The following ROBO1 variants were observed in gnomAD, a reference collection of about 807,000 sequenced individuals.
ROBO1 encodes the protein roundabout guidance receptor 1, also known as roundabout homolog 1.
Under a neutral mutation model 195.9 loss-of-function variants are expected in ROBO1, and 149 were observed. The ratio of observed to expected loss-of-function variants is 0.76; its 90% CI spans 0.67 to 0.87. ROBO1 has a LOEUF of 0.87. Among genes scored for constraint, ROBO1 ranks in the 40% least tolerant of loss-of-function variants. The pLI is 0.00. For missense variants in ROBO1, 1,933 were observed against 2,068.3 expected (o/e 0.93, Z 1.27); for synonymous variants, 816 against 733.2 (o/e 1.11, Z -1.82).
At chr3:79,117,776 A>G (rs1374237550) in intron 3 of ROBO1, among the ~76,000 whole-genome samples, 1 of 152,148 alleles carries the variant, frequency 6.6e-6, no homozygotes, top group Admixed American at 6.5e-5. Flanking sequence ...CCAAATATTA[A>G]CTTTTTGAAA....
intron 2 of ROBO1, among the ~76,000 whole-genome samples, chr3:79,191,035 C>A (rs902457000): frequency 4.0e-5 from 6 of 151,496 alleles, no homozygotes; most frequent in Non-Finnish European, 8.9e-5. Flanking sequence ...ATAAAGAAGA[C>A]ATGAGGAAAC....
At chr3:79,636,316 T>C (rs1945494490) in intron 1 of ROBO1, among the ~76,000 whole-genome samples, 1 of 152,158 alleles carries the variant, frequency 6.6e-6, no homozygotes, top group Non-Finnish European at 1.5e-5. Flanking sequence ...CATAAGTGTA[T>C]ATATACTAGA....
At chr3:79,021,756 G>A (rs1002515490) in intron 3 of ROBO1, among the ~76,000 whole-genome samples, 1 of 149,430 alleles carries the variant, frequency 6.7e-6, no homozygotes, top group African/African-American at 2.5e-5. Context: ...CGCCTCCCGG[G>A]TTCACGCCAT....
At chr3:79,575,271 C>CAAATATATATAT (rs1943433435) in intron 2 of ROBO1, among the ~76,000 whole-genome samples, 1 of 103,122 alleles carries the variant, frequency 9.7e-6, no homozygotes, top group Non-Finnish European at 1.9e-5. Context: ...ATATATATAA[C>CAAATATATATAT]AAATATATAT....
chr3:79,156,650 A>C (rs1488411686), intron 2 of ROBO1, among the ~76,000 whole-genome samples: 1 of 151,874 alleles, frequency 6.6e-6, no homozygotes. Flanking sequence ...AAGGGGGATG[A>C]TCTGGACAAA....
In ROBO1 at chr3:79,684,824, C is replaced by T. The variant is rs544986580; in HGVS notation, c.-51+82928G>A. ...CTGAGTAGCTGGGACTATAGGTGCACGCTGCCACACCAGGTTAATTTTTTG... is the reference window on the plus strand; with the variant it reads ...CTGAGTAGCTGGGACTATAGGTGCATGCTGCCACACCAGGTTAATTTTTTG... On this transcript the variant is annotated intron_variant, in intron 1 of 30. Coordinates refer to ENST00000464233, the MANE Select transcript of ROBO1 (RefSeq NM_002941.4). 7.2e-4 allele frequency among the ~76,000 whole-genome samples: 109 copies of T among 151,996 alleles called. 1 individual carries two copies. The highest frequency in any genetic ancestry group is 9.9e-4 in the Non-Finnish European group (67 of 67,946).
At chr3:79,454,131 C>G (rs949212009) in intron 2 of ROBO1, among the ~76,000 whole-genome samples, 1 of 141,902 alleles carries the variant, frequency 7.0e-6, no homozygotes, top group Non-Finnish European at 1.5e-5. Context: ...AATTTCATTC[C>G]TTTTTTTTTT....
intron 2 of ROBO1, among the ~76,000 whole-genome samples, chr3:79,428,810 T>C (rs2038557762): frequency 6.6e-6 from 1 of 151,904 alleles, no homozygotes. Context: ...TAAATATTCA[T>C]ACATGCAACA....
chr3:79,092,939 GAATT>G lies in ROBO1; in HGVS notation c.172+32513_172+32516del, dbSNP rs1472711640. ...TAAAACAAAATTTAACAATTAAAAAGAATTAATTTCAAATTTAAGATGTTAAATT... is the reference window on the plus strand; with the variant it reads ...TAAAACAAAATTTAACAATTAAAAAGAATTTCAAATTTAAGATGTTAAATT... On this transcript the variant is annotated intron_variant, in intron 3 of 30. Coordinates refer to ENST00000464233, the MANE Select transcript of ROBO1 (RefSeq NM_002941.4). Among the ~76,000 whole-genome samples the G allele has an allele frequency of 3.3e-5, 5 of 152,134 alleles. No homozygotes were observed. In the East Asian group the frequency reaches 5.8e-4, roughly 18 times the overall value.
At chr3:78,729,082 C>G (rs527301547) in intron 5 of ROBO1, among the ~76,000 whole-genome samples, 5 of 152,280 alleles carry the variant, frequency 3.3e-5, no homozygotes, top group Admixed American at 3.3e-4. Context: ...TGGGAGAGTC[C>G]CCGCCTAGGA....
chr3:78,673,586 A>G (rs1251256637), intron 10 of ROBO1, among the ~76,000 whole-genome samples: 2 of 71,194 alleles, frequency 2.8e-5, no homozygotes, highest in African/African-American at 8.0e-5. Context: ...ATATATATAT[A>G]TATATATATA....
chr3:78,907,065 T>C (rs1433699238), intron 4 of ROBO1, among the ~76,000 whole-genome samples: 1 of 152,214 alleles, frequency 6.6e-6, no homozygotes, highest in South Asian at 2.1e-4. Context: ...TTCATATAAT[T>C]TGGATTTTCT....
intron 2 of ROBO1, among the ~76,000 whole-genome samples, chr3:79,289,441 T>C (rs2032098759): frequency 6.6e-6 from 1 of 152,272 alleles, no homozygotes; most frequent in Admixed American, 6.5e-5. Flanking sequence ...AGAATTTCAT[T>C]AGTGGAGGCA....
intron 3 of ROBO1, among the ~76,000 whole-genome samples, chr3:79,046,296 A>C (rs2108350009): frequency 6.6e-6 from 1 of 152,128 alleles, no homozygotes; most frequent in African/African-American, 2.4e-5. Context: ...TAGCCACCTG[A>C]GGGAGCTTGC....
chr3:78,659,917 GC>G, intron 16 of ROBO1, 110 bp from the exon 17 acceptor site: 1 of 542,654 alleles, frequency 1.8e-6, no homozygotes, highest in South Asian at 3.7e-5. Flanking sequence ...ATCAATATAT[GC>G]TTTTTTTTTT....
chr3:79,247,682 A>G (rs2082649575), intron 2 of ROBO1, among the ~76,000 whole-genome samples: 1 of 152,108 alleles, frequency 6.6e-6, no homozygotes, highest in African/African-American at 2.4e-5. Flanking sequence ...ACAAAAAGAA[A>G]AAATATTTAA....
chr3:78,927,754 T>C (rs72904246), intron 4 of ROBO1, among the ~76,000 whole-genome samples: 2,601 of 152,298 alleles, frequency 0.017, 88 homozygotes, highest in African/African-American at 0.059. Context: ...ATATAAAGAA[T>C]ACATATCTTT....
chr3:79,465,282 C>T (rs933920014), intron 2 of ROBO1, among the ~76,000 whole-genome samples: 1 of 152,086 alleles, frequency 6.6e-6, no homozygotes, highest in Non-Finnish European at 1.5e-5. Context: ...TCTTGGAATG[C>T]TAGGTGGATC....
At chr3:79,248,300 G>T (rs745865083) in intron 2 of ROBO1, among the ~76,000 whole-genome samples, 8 of 144,972 alleles carry the variant, frequency 5.5e-5, no homozygotes, top group Non-Finnish European at 1.2e-4. Context: ...GACACACAAT[G>T]GAAAACCCTG....
Sources: gnomAD v4.1 joint callset for allele counts (sites outside exome capture counted in the v4.1 genomes callset) on GRCh38, gnomAD v4.1.1 for gene constraint, MANE v1.5 for transcripts, NCBI Gene and HGNC (gene_info 2026-07-23, HGNC 2026-07-21) for gene names.